Variants in PEX5 observed in about 807,000 individuals in gnomAD.
PEX5 encodes PTS1 receptor.
A neutral mutation model predicts 82.9 loss-of-function variants in PEX5; 52 were observed. The ratio of observed to expected loss-of-function variants is 0.63; its 90% CI spans 0.50 to 0.79. PEX5 has a LOEUF of 0.79. Among genes scored for constraint, PEX5 ranks in the 30% least tolerant of loss-of-function variants. The pLI is 0.00. For missense variants in PEX5, 719 were observed against 815.2 expected (o/e 0.88, Z 1.44); for synonymous variants, 300 against 318.8 (o/e 0.94, Z 0.63).
chr12:7,201,304 CACAT>C, intron 6 of PEX5, among the ~76,000 whole-genome samples: 1 of 126,178 alleles, frequency 7.9e-6, no homozygotes, highest in Admixed American at 8.9e-5. Flanking sequence ...TACACACATA[CACAT>C]ACACATGTAT....
intron 5 of PEX5, among the ~76,000 whole-genome samples, 196 bp downstream of exon 5, chr12:7,191,896 T>C (rs777548113): frequency 6.6e-5 from 10 of 152,364 alleles, no homozygotes; most frequent in Admixed American, 5.9e-4. Flanking sequence ...GGGTTTGTAC[T>C]GGATAAGAGA....
intron 5 of PEX5, among the ~76,000 whole-genome samples, chr12:7,196,365 A>G (rs1279097435): frequency 7.3e-6 from 1 of 137,682 alleles, no homozygotes; most frequent in Non-Finnish European, 1.5e-5. Context: ...ATTATATATG[A>G]CATATATAAT....
rs910980300 is a variant in PEX5, at chr12:7,210,691, T to G, written c.*468T>G. 3 of 274,444 alleles carry G rather than the reference T, an allele frequency of 1.1e-5. No homozygotes were observed. In the Admixed American group the frequency reaches 1.5e-4, roughly 14 times the overall value. The allele number at this position is 274,444 out of a possible 1,614,324, so 17.0% of individuals were successfully genotyped here. A position where few individuals can be genotyped will look rare whatever the true frequency, so the allele number is the denominator to read the frequency against. On this transcript the variant is annotated 3_prime_UTR_variant, in exon 16 of 16. Coordinates refer to ENST00000675855, the MANE Select transcript of PEX5 (RefSeq NM_001351132.2). ...CTAATGTCTGTCTGGATGGGATGTG[T>G]TAGGAGTTGGCCTGTTGGGTTGAAT... is the stretch of plus-strand genomic sequence containing the variant.
intron 5 of PEX5, among the ~76,000 whole-genome samples, chr12:7,197,087 CAT>C (rs762093291): frequency 0.034 from 712 of 20,994 alleles, 251 homozygotes; most frequent in African/African-American, 0.069. Flanking sequence ...ATATATGTCA[CAT>C]ATAATGTAAT....
intron 15 of PEX5, 56 bp downstream of exon 15, chr12:7,209,896 C>G (rs1004788013): frequency 6.2e-7 from 1 of 1,607,926 alleles, no homozygotes; most frequent in African/African-American, 1.3e-5. Context: ...GCCTTTGGCC[C>G]TAGCTCCTTA....
intron 6 of PEX5, among the ~76,000 whole-genome samples, chr12:7,200,822 G>T (rs1002008710): frequency 8.5e-5 from 13 of 152,102 alleles, no homozygotes; most frequent in Non-Finnish European, 1.5e-4. Flanking sequence ...GAGGTTGCAG[G>T]GAGCCGAGAT....
chr12:7,203,676 C>T, intron 10 of PEX5, 125 bp downstream of exon 10: 3 of 904,004 alleles, frequency 3.3e-6, no homozygotes, highest in Non-Finnish European at 5.2e-6. Flanking sequence ...GAAAAGAAGT[C>T]TGAATAATTC....
chr12:7,210,593 C>T lies in PEX5; in HGVS notation c.*370C>T. 2.7e-6 allele frequency: 1 copy of T among 368,706 alleles called. No individual in the cohort carries two copies. Among genetic ancestry groups the T allele is most frequent in the Non-Finnish European group, 5.2e-6 (1 of 192,164 alleles). The allele number at this position is 368,706 out of a possible 1,614,324, so 22.8% of individuals were successfully genotyped here. A position where few individuals can be genotyped will look rare whatever the true frequency, so the allele number is the denominator to read the frequency against. Reference sequence around the variant, plus strand: ...CACATCTGTAATGTCTGTCCTTTCCCCCACTTTTACTGGGAATTGATAGTC... The same window carrying T: ...CACATCTGTAATGTCTGTCCTTTCCTCCACTTTTACTGGGAATTGATAGTC... On this transcript the variant is annotated 3_prime_UTR_variant, in exon 16 of 16. Coordinates refer to ENST00000675855, the MANE Select transcript of PEX5 (RefSeq NM_001351132.2).
downstream of PEX5, among the ~76,000 whole-genome samples, chr12:7,212,428 C>CTAAT (rs1237484030): frequency 5.5e-5 from 7 of 127,380 alleles, no homozygotes; most frequent in East Asian, 1.1e-3. Context: ...TGGCCAAAGT[C>CTAAT]TAATTTTTTT....
downstream of PEX5, among the ~76,000 whole-genome samples, chr12:7,215,038 C>T (rs77101895): frequency 0.013 from 1,994 of 151,904 alleles, 39 homozygotes; most frequent in African/African-American, 0.046. Context: ...CTTTGTAGTC[C>T]GCAAAATTTG....
At position 7,191,221 on chromosome 12, in the gene PEX5, G is replaced by C; in HGVS notation, c.184-5G>C. 1 of 1,614,166 alleles carries C rather than the reference G, an allele frequency of 6.2e-7. No individual in the cohort carries two copies. The highest frequency in any genetic ancestry group is 8.5e-7 in the Non-Finnish European group (1 of 1,180,026). The stretch of plus-strand genomic sequence containing the variant: ...GGGTTCATTTCATCATTTCCCTTCT[G>C]GCAGTTGGTGGCTGAATTCCTGCAG... On this transcript the variant is annotated splice_polypyrimidine_tract_variant and splice_region_variant and intron_variant, in intron 3 of 15. Transcript: ENST00000675855.
intron 5 of PEX5, among the ~76,000 whole-genome samples, chr12:7,196,491 G>T: frequency 7.6e-6 from 1 of 131,822 alleles, no homozygotes; most frequent in Non-Finnish European, 1.6e-5. Flanking sequence ...CATATATAAT[G>T]TAATAATTAT....
chr12:7,206,738 GTC>G (rs1159014499), intron 10 of PEX5, among the ~76,000 whole-genome samples: 1 of 152,102 alleles, frequency 6.6e-6, no homozygotes, highest in Non-Finnish European at 1.5e-5. Context: ...AGGGCCTCAT[GTC>G]TTTATTTTGT....
intron 15 of PEX5, 53 bp downstream of exon 15, chr12:7,209,893 GC>G (rs1267361869): frequency 2.5e-6 from 4 of 1,609,312 alleles, no homozygotes; most frequent in East Asian, 4.5e-5. Context: ...CCTGCCTTTG[GC>G]CCTAGCTCCT....
downstream of PEX5, among the ~76,000 whole-genome samples, chr12:7,214,625 G>C (rs1029188102): frequency 3.4e-5 from 5 of 148,734 alleles, no homozygotes; most frequent in Non-Finnish European, 7.4e-5. Flanking sequence ...TAAATGACGA[G>C]TTAATGGGTG....
Position 7,207,808 on chromosome 12 carries a change from T to C in PEX5, c.1110+6T>C. Reference sequence around the variant, plus strand: ...AGGATCCTAAGCACATGGAAGTGAGTGACTCCATAGTCTCATTTCTGGCTA... The same window carrying C: ...AGGATCCTAAGCACATGGAAGTGAGCGACTCCATAGTCTCATTTCTGGCTA... On this transcript the variant is annotated splice_donor_region_variant and intron_variant, in intron 11 of 15. Coordinates refer to ENST00000675855, the MANE Select transcript of PEX5 (RefSeq NM_001351132.2). The C allele has an allele frequency of 6.2e-7, 1 of 1,613,734 alleles. No homozygotes were observed. Among genetic ancestry groups the C allele is most frequent in the Non-Finnish European group, 8.5e-7 (1 of 1,179,712 alleles).
upstream of PEX5, chr12:7,188,747 G>A (rs2290241): frequency 0.087 from 13,249 of 152,468 alleles, 807 homozygotes; most frequent in East Asian, 0.22. Flanking sequence ...GTCATTTACC[G>A]GCAGCCCTGG....
Position 7,202,719 on chromosome 12 carries a change from T to A in PEX5, c.846+15T>A, listed in dbSNP as rs754804012. ...CAGCTATAGAGGTGAGAGCAGATAG[T>A]GCAGGAGCAGACACCCCAAAAGAAA... On this transcript the variant is annotated intron_variant, in intron 9 of 15. Coordinates refer to ENST00000675855, the MANE Select transcript of PEX5 (RefSeq NM_001351132.2). 1.9e-6 allele frequency: 3 copies of A among 1,581,830 alleles called. No individual in the cohort carries two copies. The highest frequency in any genetic ancestry group is 2.6e-6 in the Non-Finnish European group (3 of 1,150,582).
At chr12:7,191,447 G>A in intron 4 of PEX5, 89 bp downstream of exon 4, 1 of 1,601,536 alleles carries the variant, frequency 6.2e-7, no homozygotes, top group East Asian at 2.2e-5. Context: ...CTGGCATTGG[G>A]GACCTGAGAT....
Sources: allele counts gnomAD v4.1 joint callset (sites outside exome capture counted in the v4.1 genomes callset), GRCh38; gene constraint gnomAD v4.1.1; transcripts MANE v1.5; gene names NCBI Gene and HGNC (gene_info 2026-07-23, HGNC 2026-07-21).